FBXO31: variants seen among roughly 807,000 people sequenced by gnomAD.
FBXO31 encodes the protein F-box only protein 31.
Under a neutral mutation model 54.4 loss-of-function variants are expected in FBXO31, and 24 were observed. The ratio of observed to expected loss-of-function variants is 0.44; its 90% CI spans 0.32 to 0.62. The LOEUF (loss-of-function observed/expected upper bound fraction) is 0.62, where lower values mean the gene tolerates loss of function less well. Ranked by LOEUF, FBXO31 falls within the 20% of genes least tolerant of loss-of-function variation. The pLI is 0.05. For synonymous variants in FBXO31, 388 were observed against 335.6 expected (o/e 1.16, Z -1.71); for missense variants, 665 against 787.1 (o/e 0.84, Z 1.86).
intron 2 of FBXO31, among the ~76,000 whole-genome samples, chr16:87,347,818 T>C (rs1905461029): frequency 2.6e-5 from 4 of 152,014 alleles, no homozygotes; most frequent in Non-Finnish European, 4.4e-5. Flanking sequence ...CTTCTAGGAA[T>C]AAGACAGAAG....
intron 1 of FBXO31, among the ~76,000 whole-genome samples, chr16:87,375,139 T>A (rs1906767757): frequency 6.6e-6 from 1 of 152,120 alleles, no homozygotes; most frequent in Non-Finnish European, 1.5e-5. Context: ...ACCCCATCTC[T>A]ACTAAAAATA....
At chr16:87,348,663 T>C (rs1905505440) in intron 2 of FBXO31, among the ~76,000 whole-genome samples, 1 of 152,096 alleles carries the variant, frequency 6.6e-6, no homozygotes, top group African/African-American at 2.4e-5. Flanking sequence ...GCCTCACCCA[T>C]CTGGGTCGCT....
rs564422309 is a variant in FBXO31 at position 87,330,186 on chromosome 16, C to G, written c.*1102G>C. 2.0e-5 allele frequency: 3 copies of G among 152,566 alleles called. No homozygotes were observed. The highest frequency in any genetic ancestry group is 7.2e-5 in the African/African-American group (3 of 41,590). 9.5% of individuals were successfully genotyped at this position (152,566 alleles called of 1,614,324 possible). A position where few individuals can be genotyped will look rare whatever the true frequency, so the allele number is the denominator to read the frequency against. ...CAGCCAAGACCTCAGATGGGGTCCC[C>G]ACACGCAGGTGTTAACACAACATGG... On this transcript the variant is annotated 3_prime_UTR_variant, in exon 9 of 9. Coordinates refer to ENST00000311635, the MANE Select transcript of FBXO31 (RefSeq NM_024735.5).
chr16:87,345,506 G>T lies in FBXO31; in HGVS notation c.489+1668C>A, dbSNP rs895810375. On this transcript the variant is annotated intron_variant, in intron 3 of 8. Coordinates refer to ENST00000311635, the MANE Select transcript of FBXO31 (RefSeq NM_024735.5). This position sits in a 1 kb window ranked among gnomAD's most constrained non-coding sequence, Gnocchi z 4.9. ...ACAACTTCACTGTGTTGAATGAGCA[G>T]CTACTTTTCAACATAAATTGGCAGG... 1.3e-5 allele frequency among the ~76,000 whole-genome samples: 2 copies of T among 152,150 alleles called. No individual in the cohort carries two copies. Among genetic ancestry groups the T allele is most frequent in the African/African-American group, 4.8e-5 (2 of 41,430 alleles).
intron 1 of FBXO31, among the ~76,000 whole-genome samples, chr16:87,365,954 G>A (rs1452509688): frequency 3.3e-5 from 5 of 152,160 alleles, no homozygotes; most frequent in African/African-American, 7.2e-5. Flanking sequence ...CTGGGAATCC[G>A]GGAGGCGGAG....
At chr16:87,367,033 T>G (rs185887787) in intron 1 of FBXO31, 16 of 152,016 alleles carry the variant, frequency 1.1e-4, no homozygotes, top group African/African-American at 3.6e-4. Context: ...TTTTAAAAAT[T>G]AGCCAGGCAC....
rs1022626570 is a variant in FBXO31 at position 87,328,382 on chromosome 16, G to A, written c.*2906C>T. 1 of 152,444 alleles carries A rather than the reference G, an allele frequency of 6.6e-6. No homozygotes were observed. The highest frequency in any genetic ancestry group is 1.5e-5 in the Non-Finnish European group (1 of 68,210). 9.4% of individuals were successfully genotyped at this position (152,444 alleles called of 1,614,324 possible). ...GCACAGGTGCCCAGTGTCAGGGCAG[G>A]GATGCCACAGAGCCGCAGGCAGACT... On this transcript the variant is annotated 3_prime_UTR_variant, in exon 9 of 9. Coordinates refer to ENST00000311635, the MANE Select transcript of FBXO31 (RefSeq NM_024735.5).
chr16:87,333,024 G>C (rs935283763), intron 8 of FBXO31, among the ~76,000 whole-genome samples: 6 of 152,226 alleles, frequency 3.9e-5, no homozygotes, highest in African/African-American at 1.4e-4. Flanking sequence ...CATGGCCTGG[G>C]CGGCTGAGGG....
chr16:87,334,039 C>T lies in FBXO31; in HGVS notation c.1244G>A (p.Gly415Asp), dbSNP rs766183753. 6.2e-7 allele frequency: 1 copy of T among 1,612,584 alleles called. No homozygotes were observed. The highest frequency in any genetic ancestry group is 8.5e-7 in the Non-Finnish European group (1 of 1,179,696). ...ATCCTCACCAGGTGTCCCATCTGGG[C>T]CCTTGCTGGGCGCCTCTGCCCTGGG... The part of the protein sequence containing the change: ...AQPRAEAPSK[G>D]PDGTPGEDGG... The change falls in exon 8 of 9, where the codon GGC becomes GAC. Residue 415 changes from glycine (G) to aspartate (D), a missense_variant. Physicochemically the swap from Gly to Asp is moderately conservative, Grantham distance 94. Around this residue, in one of 4 missense-constraint regions of FBXO31, gnomAD observed 165 missense variants for 159.7 expected, o/e 1.03. Transcript: ENST00000311635.
intron 5 of FBXO31, among the ~76,000 whole-genome samples, chr16:87,340,057 C>T (rs977702520): frequency 3.9e-5 from 6 of 152,030 alleles, no homozygotes; most frequent in South Asian, 4.1e-4. Context: ...CCGAGGTGGG[C>T]GGATCACCTG....
chr16:87,371,213 C>CGTAGCT (rs1472043870), intron 1 of FBXO31, among the ~76,000 whole-genome samples: 1 of 152,248 alleles, frequency 6.6e-6, no homozygotes, highest in African/African-American at 2.4e-5. Context: ...ACTGAGCCAG[C>CGTAGCT]GTAGCTCCTG....
upstream of FBXO31, among the ~76,000 whole-genome samples, chr16:87,387,163 G>C (rs750956): frequency 1.3e-5 from 2 of 151,926 alleles, no homozygotes; most frequent in African/African-American, 4.8e-5. Context: ...AAGAATGACC[G>C]TGAGCGCTTC....
At chr16:87,370,055 G>T (rs2150692071) in intron 1 of FBXO31, among the ~76,000 whole-genome samples, 1 of 152,242 alleles carries the variant, frequency 6.6e-6, no homozygotes, top group South Asian at 2.1e-4. Flanking sequence ...GGCACTTACT[G>T]GAAACCCCGT....
intron 1 of FBXO31, among the ~76,000 whole-genome samples, chr16:87,378,642 A>C (rs1437214762): frequency 6.6e-6 from 1 of 152,250 alleles, no homozygotes; most frequent in African/African-American, 2.4e-5. Context: ...ACTCCTGGAT[A>C]TAATCCTCAG....
intron 2 of FBXO31, among the ~76,000 whole-genome samples, chr16:87,356,131 A>G (rs1473453482): frequency 6.6e-6 from 1 of 151,642 alleles, no homozygotes; most frequent in Non-Finnish European, 1.5e-5. Flanking sequence ...TGGGACGCTG[A>G]GGCACGAGAA....
Position 87,346,254 on chromosome 16 carries a change from G to A in FBXO31, c.489+920C>T, listed in dbSNP as rs1249513610. On this transcript the variant is annotated intron_variant, in intron 3 of 8. Coordinates refer to ENST00000311635, the MANE Select transcript of FBXO31 (RefSeq NM_024735.5). This position sits in a 1 kb window ranked among gnomAD's most constrained non-coding sequence, Gnocchi z 4.2. The stretch of plus-strand genomic sequence containing the variant: ...TGCCCTGACTCCACTTTGCCCGCAG[G>A]CCGGGGCCAGGGCCTCTTGAGGAGA... Among the ~76,000 whole-genome samples the A allele has an allele frequency of 6.6e-6, 1 of 152,006 alleles. No homozygotes were observed. The highest frequency in any genetic ancestry group is 2.4e-5 in the African/African-American group (1 of 41,398).
intron 1 of FBXO31, among the ~76,000 whole-genome samples, chr16:87,376,687 C>T (rs997499621): frequency 1.3e-5 from 2 of 152,238 alleles, no homozygotes; most frequent in Admixed American, 6.5e-5. Context: ...CACTCACCAA[C>T]CCCCAAGACA....
At chr16:87,344,897 G>C (rs1905314686) in intron 3 of FBXO31, among the ~76,000 whole-genome samples, 2 of 146,140 alleles carry the variant, frequency 1.4e-5, no homozygotes, top group South Asian at 4.4e-4. Flanking sequence ...ACCTCCGGCA[G>C]CGCCCATCCC....
chr16:87,334,772 C>T (rs1434140184), intron 7 of FBXO31, among the ~76,000 whole-genome samples: 2 of 152,224 alleles, frequency 1.3e-5, no homozygotes, highest in Non-Finnish European at 2.9e-5. Context: ...CCCCAATAAC[C>T]ATTCAGGGCA....
Sources: allele counts gnomAD v4.1 joint callset (sites outside exome capture counted in the v4.1 genomes callset), GRCh38; gene constraint gnomAD v4.1.1; regional missense constraint gnomAD v4.1.1; non-coding constraint Gnocchi (gnomAD v3.1); transcripts MANE v1.5; gene names NCBI Gene and HGNC (gene_info 2026-07-23, HGNC 2026-07-21).